STK32B: variants seen among roughly 807,000 people sequenced by gnomAD.
STK32B encodes serine/threonine kinase 32B.
Under a neutral mutation model 52.6 loss-of-function variants are expected in STK32B, and 43 were observed. The observed-to-expected ratio is 0.82, with a 90% CI of 0.64 to 1.05. The LOEUF (loss-of-function observed/expected upper bound fraction) is 1.05, where lower values mean the gene tolerates loss of function less well. Among genes scored for constraint, STK32B ranks in the 50% least tolerant of loss-of-function variants. The pLI, the probability that STK32B is intolerant of heterozygous loss-of-function variation, is 0.00. For missense variants in STK32B, 621 were observed against 534.6 expected, an observed-to-expected ratio of 1.16 and a Z score of -1.59; for synonymous variants, 238 against 204.3, an observed-to-expected ratio of 1.17 and a Z score of -1.41.
chr4:5,347,712 C>G (rs569794251), intron 4 of STK32B, among the ~76,000 whole-genome samples: 52 of 152,186 alleles, frequency 3.4e-4, no homozygotes, highest in African/African-American at 1.2e-3. Context: ...GGTGGATTTC[C>G]TCCTTGCTGT....
At chr4:5,429,891 A>G (rs1713426929) in intron 6 of STK32B, among the ~76,000 whole-genome samples, 2 of 152,002 alleles carry the variant, frequency 1.3e-5, no homozygotes. Flanking sequence ...TTAGTCACTT[A>G]AATATTGCCA....
chr4:5,087,033 A>G (rs1202585874), intron 1 of STK32B, among the ~76,000 whole-genome samples: 3 of 152,212 alleles, frequency 2.0e-5, no homozygotes, highest in Non-Finnish European at 4.4e-5. Context: ...ACATGGATAA[A>G]TGAGACACAG....
chr4:5,304,362 C>T (rs7693836), intron 3 of STK32B, among the ~76,000 whole-genome samples: 32,011 of 150,666 alleles, frequency 0.21, 6,446 homozygotes, highest in African/African-American at 0.53. Flanking sequence ...AGAAGTGTTT[C>T]TACTTTTCCT....
intron 6 of STK32B, among the ~76,000 whole-genome samples, chr4:5,420,010 G>A (rs1162957176): frequency 2.0e-5 from 3 of 152,156 alleles, no homozygotes; most frequent in South Asian, 2.1e-4. Flanking sequence ...ATGAAGACAG[G>A]CACATTAACT....
intron 3 of STK32B, among the ~76,000 whole-genome samples, chr4:5,313,674 G>T (rs1045674319): frequency 1.3e-5 from 2 of 152,138 alleles, no homozygotes; most frequent in South Asian, 4.1e-4. Context: ...TGTGTGTGCA[G>T]TTGTGACAGC....
At position 5,499,205 on chromosome 4, in the gene STK32B, T is replaced by C. The variant is rs1388206674; in HGVS notation, c.*122T>C. ...AAAACATCAGATGCAGAAAAAGCCC[T>C]GGACTTGGAGCTGGGAAGCCTGGGT... On this transcript the variant is annotated 3_prime_UTR_variant, in exon 12 of 12. Coordinates refer to ENST00000282908, the MANE Select transcript of STK32B (RefSeq NM_018401.3). The C allele has an allele frequency of 4.4e-6, 6 of 1,351,320 alleles. No individual in the cohort carries two copies. The highest frequency in any genetic ancestry group is 5.8e-6 in the Non-Finnish European group (6 of 1,025,752). 83.7% of individuals were successfully genotyped at this position (1,351,320 alleles called of 1,614,324 possible).
chr4:5,178,552 G>A (rs1479526613), intron 3 of STK32B, among the ~76,000 whole-genome samples: 2 of 152,178 alleles, frequency 1.3e-5, no homozygotes, highest in Admixed American at 6.5e-5. Context: ...CCGAAAATGG[G>A]TTTTTCTTTT....
intron 6 of STK32B, among the ~76,000 whole-genome samples, chr4:5,444,517 G>A (rs1337399053): frequency 6.6e-6 from 1 of 152,230 alleles, no homozygotes; most frequent in Admixed American, 6.5e-5. Flanking sequence ...TCCCTAGTGA[G>A]ATGAACCCGG....
intron 2 of STK32B, among the ~76,000 whole-genome samples, chr4:5,140,891 G>C (rs1166082791): frequency 6.6e-6 from 1 of 152,132 alleles, no homozygotes; most frequent in Non-Finnish European, 1.5e-5. Flanking sequence ...TTTTCTCATA[G>C]TGCTTATATT....
At chr4:5,191,729 G>A (rs913776085) in intron 3 of STK32B, among the ~76,000 whole-genome samples, 12 of 152,172 alleles carry the variant, frequency 7.9e-5, no homozygotes, top group Admixed American at 4.6e-4. Context: ...CCCAAGCACA[G>A]CCAACTTTGA....
chr4:5,112,559 T>C (rs1714461696), intron 1 of STK32B, among the ~76,000 whole-genome samples: 2 of 152,178 alleles, frequency 1.3e-5, no homozygotes, highest in Admixed American at 1.3e-4. Flanking sequence ...CTTTAGCTGA[T>C]TGGAAGAGGG....
chr4:5,365,421 A>C (rs963236848), intron 4 of STK32B, among the ~76,000 whole-genome samples: 8 of 152,210 alleles, frequency 5.3e-5, no homozygotes, highest in African/African-American at 1.9e-4. Flanking sequence ...GAAGTGAGGG[A>C]ATTGAGCAAT....
At chr4:5,286,314 G>T (rs1370499123) in intron 3 of STK32B, among the ~76,000 whole-genome samples, 2 of 152,166 alleles carry the variant, frequency 1.3e-5, no homozygotes, top group Non-Finnish European at 2.9e-5. Context: ...TGGAGAGTCG[G>T]ATACTTTAAT....
chr4:5,317,479 ATT>A (rs1170515681), intron 3 of STK32B, among the ~76,000 whole-genome samples: 2 of 59,210 alleles, frequency 3.4e-5, no homozygotes, highest in Non-Finnish European at 6.2e-5. Flanking sequence ...TAATATATAT[ATT>A]ACATATATAT....
At chr4:5,106,588 C>T (rs1714120512) in intron 1 of STK32B, among the ~76,000 whole-genome samples, 1 of 152,078 alleles carries the variant, frequency 6.6e-6, no homozygotes, top group South Asian at 2.1e-4. Context: ...TCATTCAGTC[C>T]ATATTCAGAT....
At chr4:5,185,245 C>T (rs1720658133) in intron 3 of STK32B, among the ~76,000 whole-genome samples, 1 of 152,168 alleles carries the variant, frequency 6.6e-6, no homozygotes, top group African/African-American at 2.4e-5. Context: ...AGGAGGGAGG[C>T]ATCTGTCCCT....
At chr4:5,201,380 C>T (rs148695045) in intron 3 of STK32B, among the ~76,000 whole-genome samples, 2 of 152,168 alleles carry the variant, frequency 1.3e-5, no homozygotes, top group Non-Finnish European at 2.9e-5. Flanking sequence ...TCGCGCAGGA[C>T]TGCCACAGTA....
chr4:5,281,556 A>G (rs958424874), intron 3 of STK32B, among the ~76,000 whole-genome samples: 1 of 152,186 alleles, frequency 6.6e-6, no homozygotes, highest in African/African-American at 2.4e-5. Flanking sequence ...ATGTATATCT[A>G]TGTAACAAAC....
intron 3 of STK32B, among the ~76,000 whole-genome samples, chr4:5,299,383 T>C (rs529587304): frequency 6.6e-6 from 1 of 152,050 alleles, no homozygotes; most frequent in Non-Finnish European, 1.5e-5. Context: ...GCTGCAGTAG[T>C]GCCCTAGGAT....
Sources: allele counts gnomAD v4.1 joint callset (sites outside exome capture counted in the v4.1 genomes callset), GRCh38; gene constraint gnomAD v4.1.1; transcripts MANE v1.5; gene names NCBI Gene and HGNC (gene_info 2026-07-23, HGNC 2026-07-21).